Variants in SCHIP1 observed in about 807,000 individuals in gnomAD.
The protein encoded by SCHIP1 is schwannomin-interacting protein 1.
In SCHIP1, 8 loss-of-function variants were observed where a neutral mutation model predicts 29.7. That is an observed-to-expected ratio of 0.27 (90% CI 0.16 to 0.49). SCHIP1 has a LOEUF of 0.49. SCHIP1 is among the 20% of genes least tolerant of loss of function. The pLI, the probability that SCHIP1 is intolerant of heterozygous loss-of-function variation, is 0.99. For synonymous variants in SCHIP1, 76 were observed against 94.9 expected (o/e 0.80, Z 1.16); for missense variants, 193 against 294.6 (o/e 0.66, Z 2.52).
At chr3:159,868,868 C>T (rs1714932706) in intron 2 of SCHIP1, among the ~76,000 whole-genome samples, 1 of 152,028 alleles carries the variant, frequency 6.6e-6, no homozygotes. Context: ...AATATAATGT[C>T]AAACTGTTTT....
the SCHIP1 span, chr3:159,282,616 C>T: frequency 1.3e-5 from 2 of 149,386 alleles, no homozygotes; most frequent in Admixed American, 1.3e-4. Flanking sequence ...AAATAATAGT[C>T]TTATTTTATT....
chr3:159,839,877 AATATAATTGGCTG>A (rs1744048724), exon 1 of SCHIP1: 3 of 1,378,814 alleles, frequency 2.2e-6, no homozygotes, highest in Admixed American at 6.8e-5. Context: ...TTGTGCCTAT[AATATAATTGGCTG>A]ATTGTGCGGG....
the SCHIP1 span, among the ~76,000 whole-genome samples, chr3:159,715,149 C>CCAG: frequency 1.5e-4 from 23 of 152,162 alleles, no homozygotes; most frequent in African/African-American, 5.6e-4. Flanking sequence ...GAGTGGACCT[C>CCAG]CAGCAAACTC....
chr3:159,622,391 A>T, the SCHIP1 span, among the ~76,000 whole-genome samples: 10 of 151,790 alleles, frequency 6.6e-5, no homozygotes, highest in East Asian at 2.0e-3. Context: ...GGCATAAAAG[A>T]TACATGATCT....
the SCHIP1 span, among the ~76,000 whole-genome samples, chr3:159,829,006 C>CTGTTCT: frequency 3.9e-5 from 6 of 152,080 alleles, no homozygotes; most frequent in Non-Finnish European, 8.8e-5. Context: ...TTCTCTGACT[C>CTGTTCT]CAAATGCTGG....
chr3:159,395,133 G>A, the SCHIP1 span, among the ~76,000 whole-genome samples: 1 of 152,092 alleles, frequency 6.6e-6, no homozygotes. Flanking sequence ...TTCTCTGATG[G>A]TAGTTTGTAT....
the SCHIP1 span, among the ~76,000 whole-genome samples, chr3:159,505,535 C>T: frequency 6.6e-6 from 1 of 152,162 alleles, no homozygotes; most frequent in Admixed American, 6.5e-5. Context: ...AGGTTTGTTA[C>T]ATATGTATAC....
the SCHIP1 span, among the ~76,000 whole-genome samples, chr3:159,298,549 T>G: frequency 3.9e-5 from 6 of 152,306 alleles, no homozygotes; most frequent in South Asian, 1.2e-3. Flanking sequence ...GTTTGGAGCA[T>G]TTATTAAGGG....
At chr3:159,439,644 A>G in the SCHIP1 span, among the ~76,000 whole-genome samples, 6 of 152,154 alleles carry the variant, frequency 3.9e-5, no homozygotes, top group Non-Finnish European at 7.4e-5. Context: ...GTGATGTCGA[A>G]CTTTTTATCA....
chr3:159,774,876 A>T, the SCHIP1 span, among the ~76,000 whole-genome samples: 2 of 152,144 alleles, frequency 1.3e-5, no homozygotes, highest in Non-Finnish European at 2.9e-5. Context: ...CTCCACCCAA[A>T]CATTTCATAT....
At chr3:159,690,238 G>T in the SCHIP1 span, among the ~76,000 whole-genome samples, 1 of 152,098 alleles carries the variant, frequency 6.6e-6, no homozygotes, top group Non-Finnish European at 1.5e-5. Flanking sequence ...GACTTTTTTG[G>T]TTGGTACGCT....
chr3:159,552,676 C>T, the SCHIP1 span, among the ~76,000 whole-genome samples: 20 of 152,290 alleles, frequency 1.3e-4, no homozygotes, highest in African/African-American at 4.1e-4. Flanking sequence ...ATCCATCTTT[C>T]TTGCTTTTCA....
At chr3:159,449,402 A>G in the SCHIP1 span, among the ~76,000 whole-genome samples, 1 of 152,166 alleles carries the variant, frequency 6.6e-6, no homozygotes, top group African/African-American at 2.4e-5. Context: ...CTTTTTTATT[A>G]AAGCACTATT....
the SCHIP1 span, among the ~76,000 whole-genome samples, chr3:159,605,487 A>G: frequency 6.6e-6 from 1 of 152,280 alleles, no homozygotes; most frequent in Non-Finnish European, 1.5e-5. Context: ...ATCACCTTCT[A>G]CGATAGGAAA....
At chr3:159,583,200 G>A in the SCHIP1 span, among the ~76,000 whole-genome samples, 5 of 151,934 alleles carry the variant, frequency 3.3e-5, no homozygotes, top group East Asian at 3.9e-4. Context: ...ATCATTTCAC[G>A]GATTTTCTAG....
At chr3:159,376,293 C>G in the SCHIP1 span, among the ~76,000 whole-genome samples, 1 of 152,120 alleles carries the variant, frequency 6.6e-6, no homozygotes, top group Non-Finnish European at 1.5e-5. Context: ...GAGAAAGAGA[C>G]AAATGACCAT....
the SCHIP1 span, among the ~76,000 whole-genome samples, chr3:159,395,342 T>C: frequency 6.6e-6 from 1 of 152,206 alleles, no homozygotes; most frequent in African/African-American, 2.4e-5. Context: ...TGATTTTAGT[T>C]ATTTCTAGCC....
At chr3:159,397,245 A>T in the SCHIP1 span, among the ~76,000 whole-genome samples, 1 of 151,656 alleles carries the variant, frequency 6.6e-6, no homozygotes. Context: ...AAAGTTTTCA[A>T]CTTCTTTGCC....
At chr3:159,593,462 G>T in the SCHIP1 span, among the ~76,000 whole-genome samples, 5 of 152,130 alleles carry the variant, frequency 3.3e-5, no homozygotes, top group Non-Finnish European at 5.9e-5. Flanking sequence ...TGGGGATTCT[G>T]GAAGAAGCTG....
Sources: allele counts gnomAD v4.1 joint callset (sites outside exome capture counted in the v4.1 genomes callset), GRCh38; gene constraint gnomAD v4.1.1; transcripts MANE v1.5; gene names NCBI Gene and HGNC (gene_info 2026-07-23, HGNC 2026-07-21).